MARCHF1: variants seen among roughly 807,000 people sequenced by gnomAD.
The protein encoded by MARCHF1 is E3 ubiquitin-protein ligase MARCHF1.
A neutral mutation model predicts 54.2 loss-of-function variants in MARCHF1; 40 were observed. The ratio of observed to expected loss-of-function variants is 0.74; its 90% CI spans 0.57 to 0.96. The LOEUF (loss-of-function observed/expected upper bound fraction) is 0.96. Among genes scored for constraint, MARCHF1 ranks in the 40% least tolerant of loss-of-function variants. The pLI is 0.00. For synonymous variants in MARCHF1, 236 were observed against 236.3 expected (o/e 1.00, Z 0.01); for missense variants, 586 against 656.5 (o/e 0.89, Z 1.17).
At chr4:163,923,814 G>T (rs551777027) in intron 3 of MARCHF1, among the ~76,000 whole-genome samples, 7 of 150,622 alleles carry the variant, frequency 4.6e-5, no homozygotes, top group African/African-American at 1.7e-4. Context: ...TAAATCACCC[G>T]CATCTTACAA....
At chr4:163,808,570 TTTTTA>T (rs1316153462) in intron 4 of MARCHF1, among the ~76,000 whole-genome samples, 1 of 152,110 alleles carries the variant, frequency 6.6e-6, no homozygotes, top group African/African-American at 2.4e-5. Flanking sequence ...TTGTATTTTA[TTTTTA>T]TTTTATTTTT....
intron 2 of MARCHF1, among the ~76,000 whole-genome samples, chr4:164,101,127 T>C (rs1017411190): frequency 5.3e-5 from 8 of 152,312 alleles, no homozygotes; most frequent in Non-Finnish European, 8.8e-5. Flanking sequence ...CACGGAGTCT[T>C]GCTGATTGCT....
At chr4:164,359,805 A>C (rs1003519224) in intron 1 of MARCHF1, among the ~76,000 whole-genome samples, 1 of 152,120 alleles carries the variant, frequency 6.6e-6, no homozygotes, top group Non-Finnish European at 1.5e-5. Flanking sequence ...CTCTCCAGTA[A>C]ACACAAGCCT....
chr4:164,269,893 A>T (rs2111304286), intron 1 of MARCHF1, among the ~76,000 whole-genome samples: 1 of 152,130 alleles, frequency 6.6e-6, no homozygotes, highest in South Asian at 2.1e-4. Flanking sequence ...TCTTTTCATG[A>T]TATTCTTTAC....
In MARCHF1 at chr4:163,819,463, G is replaced by A. The variant is rs567141251; in HGVS notation, c.111+34558C>T. Among the ~76,000 whole-genome samples the A allele has an allele frequency of 7.9e-5, 12 of 152,134 alleles. No individual in the cohort carries two copies. The East Asian group carries it at 1.4e-3, about 17-fold the overall frequency. ...GTGTCACAACAGGTAACATTCATTCGATTATAAATTAGTAATTCCCAAACT... is the reference window on the plus strand; with the variant it reads ...GTGTCACAACAGGTAACATTCATTCAATTATAAATTAGTAATTCCCAAACT... On this transcript the variant is annotated intron_variant, in intron 4 of 9. Coordinates refer to ENST00000514618, the MANE Select transcript of MARCHF1 (RefSeq NM_001394959.1).
At chr4:164,218,461 C>T (rs1219355386) in intron 1 of MARCHF1, among the ~76,000 whole-genome samples, 5 of 151,626 alleles carry the variant, frequency 3.3e-5, no homozygotes, top group African/African-American at 1.2e-4. Flanking sequence ...AAGCAATGAG[C>T]CAGAGAAAGG....
At chr4:164,291,715 A>G (rs1190207019) in intron 1 of MARCHF1, among the ~76,000 whole-genome samples, 1 of 152,096 alleles carries the variant, frequency 6.6e-6, no homozygotes, top group Non-Finnish European at 1.5e-5. Flanking sequence ...AGACACAGAC[A>G]ATTGTAACAC....
At chr4:163,609,807 C>CT (rs1000589573) in intron 7 of MARCHF1, among the ~76,000 whole-genome samples, 1 of 151,888 alleles carries the variant, frequency 6.6e-6, no homozygotes, top group East Asian at 1.9e-4. Flanking sequence ...GCACAATCCC[C>CT]TTGACCTGCC....
intron 4 of MARCHF1, among the ~76,000 whole-genome samples, chr4:163,728,468 T>C (rs1745732694): frequency 6.6e-6 from 1 of 152,240 alleles, no homozygotes; most frequent in South Asian, 2.1e-4. Flanking sequence ...CTTTGATTTC[T>C]TTTCGTAGTT....
At chr4:164,108,340 A>T (rs563914981) in intron 2 of MARCHF1, among the ~76,000 whole-genome samples, 83 of 152,220 alleles carry the variant, frequency 5.5e-4, no homozygotes, top group African/African-American at 1.9e-3. Flanking sequence ...ATTTTTTACT[A>T]AGTTTTACCT....
intron 1 of MARCHF1, among the ~76,000 whole-genome samples, chr4:164,160,237 T>C (rs1336392286): frequency 2.6e-5 from 4 of 152,162 alleles, no homozygotes; most frequent in Non-Finnish European, 5.9e-5. Flanking sequence ...CTTGTGAATA[T>C]TAGACTGCAC....
chr4:164,161,051 T>C (rs963244105), intron 1 of MARCHF1, among the ~76,000 whole-genome samples: 79 of 152,146 alleles, frequency 5.2e-4, no homozygotes, highest in African/African-American at 1.9e-3. Context: ...CCAATTGATA[T>C]AGTTTGGATG....
At chr4:164,307,354 G>T (rs1734723667) in intron 1 of MARCHF1, among the ~76,000 whole-genome samples, 1 of 152,224 alleles carries the variant, frequency 6.6e-6, no homozygotes, top group Admixed American at 6.5e-5. Flanking sequence ...GGATGGAGCT[G>T]CTGGAACTCT....
chr4:163,968,583 G>A (rs1752488166), intron 3 of MARCHF1, among the ~76,000 whole-genome samples: 1 of 152,142 alleles, frequency 6.6e-6, no homozygotes, highest in Admixed American at 6.6e-5. Context: ...CCTCACCAGT[G>A]TTTGTTGAGC....
Position 164,356,620 on chromosome 4 carries a change from G to A in MARCHF1, c.-323+27250C>T, listed in dbSNP as rs938643388. Among the ~76,000 whole-genome samples the A allele has an allele frequency of 2.3e-4, 32 of 141,842 alleles. No individual in the cohort carries two copies. In the Middle Eastern group the frequency reaches 0.011, roughly 47 times the overall value. The allele number at this position is 141,842 out of a possible 152,430, so 93.1% of individuals were successfully genotyped here. ...ACACTCTGGGGACTGTGGTGGGGTG[G>A]GGGGAGTGGGGAGGGTTAGCATTGG... On this transcript the variant is annotated intron_variant, in intron 1 of 9. Coordinates refer to ENST00000514618, the MANE Select transcript of MARCHF1 (RefSeq NM_001394959.1).
At chr4:164,201,162 A>G (rs1282348327) in intron 1 of MARCHF1, among the ~76,000 whole-genome samples, 6 of 152,168 alleles carry the variant, frequency 3.9e-5, no homozygotes, top group Admixed American at 3.9e-4. Flanking sequence ...GACATGTAAG[A>G]CTTCTGAACA....
intron 1 of MARCHF1, among the ~76,000 whole-genome samples, chr4:164,174,749 G>C (rs1489579765): frequency 6.6e-6 from 1 of 152,184 alleles, no homozygotes; most frequent in Non-Finnish European, 1.5e-5. Flanking sequence ...AACAGTAGTA[G>C]ATAGTTGTAT....
chr4:164,097,426 A>T (rs1755440007), intron 2 of MARCHF1, among the ~76,000 whole-genome samples: 1 of 152,168 alleles, frequency 6.6e-6, no homozygotes, highest in African/African-American at 2.4e-5. Flanking sequence ...AAATTATTTC[A>T]TACCATATTT....
chr4:163,874,631 T>C (rs1368348285), intron 3 of MARCHF1, among the ~76,000 whole-genome samples: 2 of 152,178 alleles, frequency 1.3e-5, no homozygotes, highest in African/African-American at 4.8e-5. Flanking sequence ...TACAGGCATA[T>C]ACCAGACATG....
Sources: allele counts gnomAD v4.1 joint callset (sites outside exome capture counted in the v4.1 genomes callset), GRCh38; gene constraint gnomAD v4.1.1; transcripts MANE v1.5; gene names NCBI Gene and HGNC (gene_info 2026-07-23, HGNC 2026-07-21).